JAKMIP3: variants seen among roughly 807,000 people sequenced by gnomAD.
JAKMIP3 encodes the protein Janus kinase and microtubule interacting protein 3, also known as janus kinase and microtubule-interacting protein 3.
In JAKMIP3, 58 loss-of-function variants were observed where a neutral mutation model predicts 118.5. That is an observed-to-expected ratio of 0.49 (90% CI 0.40 to 0.61). JAKMIP3 has a LOEUF of 0.61. Among genes scored for constraint, JAKMIP3 ranks in the 20% least tolerant of loss-of-function variants. JAKMIP3 has a pLI of 0.00. For synonymous variants in JAKMIP3, 486 were observed against 451.2 expected (o/e 1.08, Z -0.98); for missense variants, 950 against 1,109.0 (o/e 0.86, Z 2.04).
At chr10:132,086,587 A>G (rs2042425623) in intron 1 of JAKMIP3, among the ~76,000 whole-genome samples, 1 of 152,164 alleles carries the variant, frequency 6.6e-6, no homozygotes, top group Non-Finnish European at 1.5e-5. Flanking sequence ...TTCCTGTTGG[A>G]CAAGGCCTTT....
intron 19 of JAKMIP3, among the ~76,000 whole-genome samples, chr10:132,156,202 G>GCCTC (rs1354622692): frequency 2.6e-5 from 4 of 152,142 alleles, no homozygotes; most frequent in African/African-American, 9.7e-5. Context: ...CCAGGCCCCC[G>GCCTC]CCTCCCTCCC....
intron 19 of JAKMIP3, among the ~76,000 whole-genome samples, chr10:132,154,218 C>T (rs1157226526): frequency 6.6e-6 from 1 of 152,228 alleles, no homozygotes; most frequent in Non-Finnish European, 1.5e-5. Context: ...AGGCCTAAAC[C>T]CACACTGTGC....
In JAKMIP3 at chr10:132,089,160, C is replaced by G. The variant is rs554887384; in HGVS notation, c.-137-15512C>G. Among the ~76,000 whole-genome samples, 10 of 152,092 alleles carry G rather than the reference C, an allele frequency of 6.6e-5. 1 individual carries two copies. The highest frequency in any genetic ancestry group is 5.9e-4 in the Admixed American group (9 of 15,280). On this transcript the variant is annotated intron_variant, in intron 1 of 23. Coordinates refer to ENST00000684848, the MANE Select transcript of JAKMIP3 (RefSeq NM_001323087.2). ...GTAGTGTGATGCCTCCAGCTTTGTT[C>G]TTTTGGTTTAGGGTTGTCTTGGCAA...
chr10:132,115,634 G>A (rs141203118), intron 2 of JAKMIP3, among the ~76,000 whole-genome samples: 2,394 of 152,316 alleles, frequency 0.016, 38 homozygotes, highest in Non-Finnish European at 0.025. Flanking sequence ...AGGAAATAGT[G>A]CTTAAATAGT....
Position 132,168,492 on chromosome 10 carries a change from C to T in JAKMIP3, c.*562C>T, listed in dbSNP as rs1444079061. 2.1e-5 allele frequency: 18 copies of T among 877,642 alleles called. No individual in the cohort carries two copies. Among genetic ancestry groups the T allele is most frequent in the Middle Eastern group, 3.7e-4 (1 of 2,710 alleles). The allele number at this position is 877,642 out of a possible 1,614,324, so 54.4% of individuals were successfully genotyped here. On this transcript the variant is annotated 3_prime_UTR_variant, in exon 23 of 24. Coordinates refer to ENST00000684848, the MANE Select transcript of JAKMIP3 (RefSeq NM_001323087.2). ...CTCCCCGACGCCTCAGGGGCCCCTC[C>T]GATGCTGCAATATGTTGCTGGGGTC...
chr10:132,080,234 A>G (rs745642931), intron 1 of JAKMIP3, among the ~76,000 whole-genome samples: 3 of 152,148 alleles, frequency 2.0e-5, no homozygotes, highest in Non-Finnish European at 4.4e-5. Context: ...GCACCATTTG[A>G]CATTTCTGCC....
intron 23 of JAKMIP3, among the ~76,000 whole-genome samples, chr10:132,180,580 C>CGCGTGTGTGT (rs1554962863): frequency 1.5e-4 from 2 of 12,988 alleles, no homozygotes; most frequent in African/African-American, 1.1e-3. Context: ...TGTGTGTGTG[C>CGCGTGTGTGT]GTGCGCGTGT....
intron 11 of JAKMIP3, among the ~76,000 whole-genome samples, chr10:132,143,029 G>GC (rs2053863032): frequency 6.6e-6 from 1 of 152,100 alleles, no homozygotes; most frequent in South Asian, 2.1e-4. Context: ...CACCCAGACC[G>GC]CCCTGGTGAC....
At position 132,044,509 on chromosome 10, in the gene JAKMIP3, G is replaced by A. The variant is rs1017750129; in HGVS notation, c.-138+7771G>A. On this transcript the variant is annotated intron_variant, in intron 1 of 23. Coordinates refer to the JAKMIP3 transcript ENST00000657785. The surrounding 1 kb of genome is among the most constrained non-coding windows in gnomAD (Gnocchi z 5.3). ...TTATGGCTGGTGCAGAGGAGGGTGC[G>A]GCCGGTGCAGAGGAGGATGCAGGAG... Among the ~76,000 whole-genome samples, 2 of 152,142 alleles carry A rather than the reference G, an allele frequency of 1.3e-5. No homozygotes were observed. Among genetic ancestry groups the A allele is most frequent in the South Asian group, 2.1e-4 (1 of 4,804 alleles).
Position 132,183,455 on chromosome 10 carries a change from G to A in JAKMIP3, c.*2202G>A, listed in dbSNP as rs2061635231. The A allele has an allele frequency of 6.6e-6, 1 of 152,190 alleles. No individual in the cohort carries two copies. Among genetic ancestry groups the A allele is most frequent in the Non-Finnish European group, 1.5e-5 (1 of 68,044 alleles). The allele number at this position is 152,190 out of a possible 1,614,324, so 9.4% of individuals were successfully genotyped here. On this transcript the variant is annotated 3_prime_UTR_variant, in exon 24 of 24. Transcript: ENST00000684848. ...TTAGCATGTTGTATATATGTCTGGA[G>A]CACTTCATACACCTCTATCCACCAC...
At chr10:132,174,821 C>G (rs1054575922) in intron 23 of JAKMIP3, among the ~76,000 whole-genome samples, 1 of 152,124 alleles carries the variant, frequency 6.6e-6, no homozygotes, top group African/African-American at 2.4e-5. Flanking sequence ...GGAGTGGCAT[C>G]TTATTTGGGG....
At chr10:132,178,855 G>A (rs1193862707) in intron 23 of JAKMIP3, among the ~76,000 whole-genome samples, 1 of 152,222 alleles carries the variant, frequency 6.6e-6, no homozygotes, top group Non-Finnish European at 1.5e-5. Context: ...GAAATTTCCA[G>A]CACACACAGA....
rs78149008 is a variant in JAKMIP3, at chr10:132,089,052, G to A, written c.-137-15620G>A. 6.6e-5 allele frequency among the ~76,000 whole-genome samples: 10 copies of A among 152,222 alleles called. No homozygotes were observed. In the East Asian group the frequency reaches 1.9e-3, roughly 29 times the overall value. On this transcript the variant is annotated intron_variant, in intron 1 of 23. Coordinates refer to ENST00000684848, the MANE Select transcript of JAKMIP3 (RefSeq NM_001323087.2). Reference sequence around the variant, plus strand: ...GTATTATTTCTGAGGGCTCTGTTCTGTTCCATTGGTCTATATCTCTGTTTT... The same window carrying A: ...GTATTATTTCTGAGGGCTCTGTTCTATTCCATTGGTCTATATCTCTGTTTT...
chr10:132,088,029 A>G (rs2042618733), intron 1 of JAKMIP3, among the ~76,000 whole-genome samples: 1 of 152,070 alleles, frequency 6.6e-6, no homozygotes, highest in Non-Finnish European at 1.5e-5. Flanking sequence ...CCTACGAAGG[A>G]CATGAACTCA....
At chr10:132,062,358 C>T (rs566115788), upstream of JAKMIP3, among the ~76,000 whole-genome samples, 5 of 152,194 alleles carry the variant, frequency 3.3e-5, no homozygotes, top group Non-Finnish European at 7.4e-5. Flanking sequence ...CCCATTCAAG[C>T]GCCTGCTCTG....
At chr10:132,105,191 C>T (rs1472482355) in intron 2 of JAKMIP3, among the ~76,000 whole-genome samples, 1 of 152,250 alleles carries the variant, frequency 6.6e-6, no homozygotes, top group Non-Finnish European at 1.5e-5. Flanking sequence ...TTATCCTCTG[C>T]TGCATGGGGA....
chr10:132,076,142 C>A (rs1003294394), intron 1 of JAKMIP3, among the ~76,000 whole-genome samples: 1 of 152,306 alleles, frequency 6.6e-6, no homozygotes, highest in Middle Eastern at 3.4e-3. Context: ...GAACTCTGAA[C>A]CCTTGAGCAG....
At chr10:132,122,225 C>T (rs567376121) in intron 3 of JAKMIP3, among the ~76,000 whole-genome samples, 4 of 151,142 alleles carry the variant, frequency 2.6e-5, no homozygotes, top group South Asian at 2.1e-4. Flanking sequence ...GCCCCCCGGT[C>T]GGCTCCCCGG....
chr10:132,112,728 C>T lies in JAKMIP3; in HGVS notation c.136-4349C>T, dbSNP rs1325839467. Among the ~76,000 whole-genome samples, 1 of 152,140 alleles carries T rather than the reference C, an allele frequency of 6.6e-6. No homozygotes were observed. Among genetic ancestry groups the T allele is most frequent in the African/African-American group, 2.4e-5 (1 of 41,422 alleles). On this transcript the variant is annotated intron_variant, in intron 2 of 23. Coordinates refer to ENST00000684848, the MANE Select transcript of JAKMIP3 (RefSeq NM_001323087.2). The surrounding 1 kb of genome is among the most constrained non-coding windows in gnomAD (Gnocchi z 4.3). ...TGAAGGGTCTGGGATTCGGATTCTCCTTGTCCACAGCCACGTGTCTCCTTG... is the reference window on the plus strand; with the variant it reads ...TGAAGGGTCTGGGATTCGGATTCTCTTTGTCCACAGCCACGTGTCTCCTTG...
Sources: gnomAD v4.1 joint callset for allele counts (sites outside exome capture counted in the v4.1 genomes callset) on GRCh38, gnomAD v4.1.1 for gene constraint, Gnocchi (gnomAD v3.1) non-coding constraint, MANE v1.5 for transcripts, NCBI Gene and HGNC (gene_info 2026-07-23, HGNC 2026-07-21) for gene names.